Variants in RGMB observed in about 807,000 individuals in gnomAD.
The protein encoded by RGMB is repulsive guidance molecule B.
Under a neutral mutation model 26.9 loss-of-function variants are expected in RGMB, and 16 were observed. That is an observed-to-expected ratio of 0.60 (90% confidence interval 0.40 to 0.90). The LOEUF (loss-of-function observed/expected upper bound fraction) is 0.90. RGMB is among the 40% of genes least tolerant of loss of function. RGMB has a pLI of 0.00. For synonymous variants in RGMB, 225 were observed against 229.3 expected (o/e 0.98, Z 0.17); for missense variants, 512 against 573.3 (o/e 0.89, Z 1.09).
chr5:98,779,902 G>A lies in RGMB; in HGVS notation c.459G>A (p.Gly153=), dbSNP rs1746537729. ...CTGGAGCCAGGGAACACAGGAGAGG[G>A]GACCAGAACCCTCCCAGTTACCTTT... The part of the protein sequence containing the change: ...SHAGAREHRR[G]DQNPPSYLFC... Residue 153 remains glycine (G), a synonymous_variant, in exon 2 of 3, where the codon GGG becomes GGA. Transcript: ENST00000513185. 1 of 1,613,796 alleles carries A rather than the reference G, an allele frequency of 6.2e-7. No homozygotes were observed. The highest frequency in any genetic ancestry group is 1.3e-5 in the African/African-American group (1 of 74,928).
chr5:98,773,688 G>T lies in RGMB; in HGVS notation c.-383G>T, dbSNP rs1746260311. 2.8e-6 allele frequency: 1 copy of T among 363,104 alleles called. No individual in the cohort carries two copies. Among genetic ancestry groups the T allele is most frequent in the African/African-American group, 2.1e-5 (1 of 47,252 alleles). 22.5% of individuals were successfully genotyped at this position (363,104 alleles called of 1,614,324 possible). ...GCAGAGATATCCGGGCCGCCGGTGG[G>T]TGGTCGCTAGGGCTGGGCCAGCCTC... On this transcript the variant is annotated 5_prime_UTR_variant, in exon 1 of 3. Coordinates refer to ENST00000513185, the MANE Select transcript of RGMB (RefSeq NM_001366508.1).
intron 2 of RGMB, among the ~76,000 whole-genome samples, chr5:98,782,156 T>C (rs1279405275): frequency 2.6e-5 from 4 of 152,214 alleles, no homozygotes; most frequent in Non-Finnish European, 5.9e-5. Flanking sequence ...CTAGGAGTTG[T>C]TGGGTTTGGT....
rs781474268 is a variant in RGMB, at chr5:98,779,702, G to A, written c.259G>A (p.Ala87Thr). The stretch of plus-strand genomic sequence containing the variant: ...CTCTGAGTTTTGCAAGGCCTTGCGT[G>A]CCTATGCTGGCTGCACCCAGCGAAC... ...FDSEFCKALR[A>T]YAGCTQRTSK... The change falls in exon 2 of 3, where the codon GCC becomes ACC. Residue 87 changes from alanine to threonine, a missense_variant. Physicochemically the swap from Ala to Thr is moderately conservative, Grantham distance 58. Transcript: ENST00000513185. 4 of 1,608,982 alleles carry A rather than the reference G, an allele frequency of 2.5e-6. No homozygotes were observed. The highest frequency in any genetic ancestry group is 3.4e-6 in the Non-Finnish European group (4 of 1,176,542).
intron 2 of RGMB, among the ~76,000 whole-genome samples, chr5:98,785,329 G>A (rs1746739353): frequency 6.6e-6 from 1 of 152,218 alleles, no homozygotes; most frequent in African/African-American, 2.4e-5. Context: ...CACGGGGTTT[G>A]TGTGTAAACC....
Position 98,790,558 on chromosome 5 carries a change from TC to T in RGMB, c.646-2525del, listed in dbSNP as rs564091488. Among the ~76,000 whole-genome samples, 13 of 152,280 alleles carry T rather than the reference TC, an allele frequency of 8.5e-5. No individual in the cohort carries two copies. The South Asian group carries it at 2.3e-3, about 27-fold the overall frequency. On this transcript the variant is annotated intron_variant, in intron 2 of 2. Transcript: ENST00000513185. ...GAGGTGTTTGAAATGAATCCTGAGT[TC>T]CTGAGTTGGAATTGGTGTGCTTAAT...
chr5:98,772,496 A>G (rs1183000809), upstream of RGMB: 2 of 152,190 alleles, frequency 1.3e-5, no homozygotes, highest in Non-Finnish European at 2.9e-5. Context: ...GCCAACTACG[A>G]TTTGGATGTT....
Position 98,793,308 on chromosome 5 carries a change from CCCTTG to C in RGMB, c.872_876del (p.Leu291HisfsTer5). ...GTGCGGCAGGTGGGTCGCTACCTGA[CCCTTG>C]CCATCCGTATGCCTGAAGACCTGGC... is the stretch of plus-strand genomic sequence containing the variant. On this transcript the variant is annotated frameshift_variant, in exon 3 of 3. Transcript: ENST00000513185. LOFTEE classifies it high-confidence loss of function. 1 of 1,613,852 alleles carries C rather than the reference CCCTTG, an allele frequency of 6.2e-7. No homozygotes were observed. The highest frequency in any genetic ancestry group is 8.5e-7 in the Non-Finnish European group (1 of 1,179,850).
chr5:98,782,741 A>G (rs773021022), intron 2 of RGMB, among the ~76,000 whole-genome samples: 1 of 151,974 alleles, frequency 6.6e-6, no homozygotes, highest in Non-Finnish European at 1.5e-5. Flanking sequence ...ACCCCAGGGT[A>G]TTTTGCTCAA....
At chr5:98,788,766 C>G (rs1034509226) in intron 2 of RGMB, among the ~76,000 whole-genome samples, 3 of 152,192 alleles carry the variant, frequency 2.0e-5, no homozygotes, top group African/African-American at 7.2e-5. Context: ...TTCAGAGCAT[C>G]CTAGTCTCTG....
upstream of RGMB, chr5:98,770,734 C>A (rs1255779381): frequency 8.5e-6 from 9 of 1,055,650 alleles, no homozygotes; most frequent in African/African-American, 3.3e-5. Flanking sequence ...GTTGTACTTT[C>A]CTTATTTTCT....
At chr5:98,780,120 C>A in intron 2 of RGMB, 32 bp downstream of exon 2, 1 of 1,573,188 alleles carries the variant, frequency 6.4e-7, no homozygotes, top group South Asian at 1.1e-5. Context: ...CCTCTCCCTA[C>A]TCAACTTTCA....
chr5:98,796,336 T>TCCCCCCC lies in RGMB; in HGVS notation c.*2588_*2594dup. 3 of 93,752 alleles carry TCCCCCCC rather than the reference T, an allele frequency of 3.2e-5. No individual in the cohort carries two copies. The highest frequency in any genetic ancestry group is 1.1e-4 in the Admixed American group (1 of 9,492). 5.8% of individuals were successfully genotyped at this position (93,752 alleles called of 1,614,324 possible). The stretch of plus-strand genomic sequence containing the variant: ...TGTCCTCTTTGTTATGCTTGGAAGC[T>TCCCCCCC]CCCCCCCCCCCAACAGTGTGTCGAG... On this transcript the variant is annotated 3_prime_UTR_variant, in exon 3 of 3. Transcript: ENST00000513185.
At chr5:98,772,847 A>C (rs1221280388), upstream of RGMB, 1 of 152,226 alleles carries the variant, frequency 6.6e-6, no homozygotes, top group Admixed American at 6.5e-5. Context: ...ATCGTGGCAT[A>C]ATTACACTGC....
At chr5:98,776,243 A>T (rs1002859) in intron 1 of RGMB, among the ~76,000 whole-genome samples, 42,305 of 152,244 alleles carry the variant, frequency 0.28, 6,461 homozygotes, top group Middle Eastern at 0.49. Context: ...ACTGGTGTGA[A>T]AATACTGTCA....
chr5:98,793,795 A>G lies in RGMB; in HGVS notation c.*42A>G, dbSNP rs1317489095. ...TGGTTTTTTATTTTTTGTCTATAAC[A>G]AAATTTTAAAATATATATTGTCATA... On this transcript the variant is annotated 3_prime_UTR_variant, in exon 3 of 3. Coordinates refer to ENST00000513185, the MANE Select transcript of RGMB (RefSeq NM_001366508.1). 1.5e-6 allele frequency: 2 copies of G among 1,352,384 alleles called. No individual in the cohort carries two copies. The highest frequency in any genetic ancestry group is 3.0e-5 in the African/African-American group (2 of 67,728). The allele number at this position is 1,352,384 out of a possible 1,614,324, so 83.8% of individuals were successfully genotyped here. A position where few individuals can be genotyped will look rare whatever the true frequency, so the allele number is the denominator to read the frequency against.
intron 1 of RGMB, among the ~76,000 whole-genome samples, chr5:98,776,610 A>G (rs1419168471): frequency 6.6e-6 from 1 of 152,250 alleles, no homozygotes; most frequent in East Asian, 1.9e-4. Context: ...ATTAGTCATT[A>G]TATAGAAGCC....
chr5:98,774,175 G>A lies in RGMB; in HGVS notation c.105G>A (p.Leu35=). 1 of 1,499,570 alleles carries A rather than the reference G, an allele frequency of 6.7e-7. No homozygotes were observed. Among genetic ancestry groups the A allele is most frequent in the Non-Finnish European group, 8.8e-7 (1 of 1,131,842 alleles). The allele number at this position is 1,499,570 out of a possible 1,614,324, so 92.9% of individuals were successfully genotyped here. ...LCPPPLELLL[L]LLFSLGLLHA... The stretch of plus-strand genomic sequence containing the variant: ...CCCCGCCGCTGGAGCTGCTGCTGCT[G>A]CTGCTGTTCAGCCTCGGGCTGCTCC... Residue 35 remains leucine (L), a synonymous_variant, in exon 1 of 3, where the codon CTG becomes CTA. Transcript: ENST00000513185.
upstream of RGMB, chr5:98,770,641 G>GC (rs758138739): frequency 8.4e-5 from 120 of 1,435,514 alleles, no homozygotes; most frequent in Non-Finnish European, 1.1e-4. Context: ...ATCCCGCTGA[G>GC]CCCCCTCCAG....
chr5:98,783,614 C>T (rs1355335804), intron 2 of RGMB, among the ~76,000 whole-genome samples: 1 of 152,136 alleles, frequency 6.6e-6, no homozygotes, highest in African/African-American at 2.4e-5. Context: ...TTCATTCATT[C>T]TGTGGATCTT....
Sources: gnomAD v4.1 joint callset for allele counts (sites outside exome capture counted in the v4.1 genomes callset) on GRCh38, gnomAD v4.1.1 for gene constraint, MANE v1.5 for transcripts, NCBI Gene and HGNC (gene_info 2026-07-23, HGNC 2026-07-21) for gene names.